CNTNAP2: variants seen among roughly 807,000 people sequenced by gnomAD.
CNTNAP2 encodes contactin-associated protein-like 2.
In CNTNAP2, 98 loss-of-function variants were observed where a neutral mutation model predicts 155.2. The ratio of observed to expected loss-of-function variants is 0.63; its 90% CI spans 0.54 to 0.75. CNTNAP2 has a LOEUF of 0.75. Ranked by LOEUF, CNTNAP2 falls within the 30% of genes least tolerant of loss-of-function variation. The pLI is 0.00. For missense variants in CNTNAP2, 1,727 were observed against 1,688.1 expected, an observed-to-expected ratio of 1.02 and a Z score of -0.40; for synonymous variants, 651 against 631.2, an observed-to-expected ratio of 1.03 and a Z score of -0.47.
chr7:146,480,382 C>T (rs1413232521), intron 1 of CNTNAP2, among the ~76,000 whole-genome samples: 2 of 151,932 alleles, frequency 1.3e-5, no homozygotes, highest in Non-Finnish European at 2.9e-5. Context: ...GTTATGATTT[C>T]AATAGGTCGC....
At chr7:146,318,106 A>G (rs1047779799) in intron 1 of CNTNAP2, among the ~76,000 whole-genome samples, 2 of 151,260 alleles carry the variant, frequency 1.3e-5, no homozygotes, top group Admixed American at 6.6e-5. Flanking sequence ...GCACCACTGC[A>G]CTCCAGCTTG....
chr7:147,633,922 T>G (rs1454226754), intron 12 of CNTNAP2, among the ~76,000 whole-genome samples: 5 of 152,136 alleles, frequency 3.3e-5, no homozygotes, highest in African/African-American at 1.2e-4. Context: ...ACCTTATTCC[T>G]GCAAGAATGG....
chr7:148,236,915 G>A (rs1563006375), intron 20 of CNTNAP2, among the ~76,000 whole-genome samples: 1 of 152,206 alleles, frequency 6.6e-6, no homozygotes, highest in Non-Finnish European at 1.5e-5. Flanking sequence ...AGCACCAAGA[G>A]GGTGGTGCTA....
chr7:146,338,369 C>T (rs1330426513), intron 1 of CNTNAP2, among the ~76,000 whole-genome samples: 1 of 152,012 alleles, frequency 6.6e-6, no homozygotes, highest in African/African-American at 2.4e-5. Flanking sequence ...TAGATGGAGA[C>T]CTGCACGTAT....
chr7:146,774,548 C>A (rs1477000870), intron 2 of CNTNAP2, among the ~76,000 whole-genome samples, 167 bp downstream of exon 2: 1 of 152,140 alleles, frequency 6.6e-6, no homozygotes, highest in Non-Finnish European at 1.5e-5. Flanking sequence ...CTCATGTAAT[C>A]TCCACATTGA....
intron 1 of CNTNAP2, among the ~76,000 whole-genome samples, chr7:146,703,291 A>G (rs1231900725): frequency 6.6e-6 from 1 of 152,116 alleles, no homozygotes; most frequent in Non-Finnish European, 1.5e-5. Flanking sequence ...AGGGGTCTCT[A>G]TGAGGGTTGG....
rs1216054601 is a variant in CNTNAP2, at chr7:146,579,961, A to T, written c.98-194310A>T. Among the ~76,000 whole-genome samples, 6 of 152,164 alleles carry T rather than the reference A, an allele frequency of 3.9e-5. No individual in the cohort carries two copies. In the East Asian group the frequency reaches 5.8e-4, roughly 15 times the overall value. On this transcript the variant is annotated intron_variant, in intron 1 of 23. Transcript: ENST00000361727. ...TCTTACTTGCTGCTTGTAGAAGCTC[A>T]TGATTCTACAATTTTAGATCCAACC...
chr7:146,530,791 C>T (rs1165392342), intron 1 of CNTNAP2, among the ~76,000 whole-genome samples: 4 of 152,208 alleles, frequency 2.6e-5, no homozygotes, highest in Non-Finnish European at 5.9e-5. Context: ...CAAATTAGTT[C>T]AGCTACTGTA....
intron 8 of CNTNAP2, among the ~76,000 whole-genome samples, chr7:147,258,703 T>C (rs1385531322): frequency 1.3e-5 from 2 of 152,214 alleles, no homozygotes; most frequent in Admixed American, 6.5e-5. Context: ...CTCTGTTTTG[T>C]TGATGCGGAA....
At chr7:146,931,227 A>C (rs1352231773) in intron 3 of CNTNAP2, among the ~76,000 whole-genome samples, 3 of 152,270 alleles carry the variant, frequency 2.0e-5, no homozygotes, top group East Asian at 3.9e-4. Context: ...AGAAATTATA[A>C]CAAACTGTCT....
At chr7:148,317,602 G>C (rs966589672) in intron 21 of CNTNAP2, among the ~76,000 whole-genome samples, 5 of 152,142 alleles carry the variant, frequency 3.3e-5, no homozygotes, top group African/African-American at 7.2e-5. Flanking sequence ...ACTGATCTTA[G>C]TATCAAAGCA....
intron 13 of CNTNAP2, among the ~76,000 whole-genome samples, chr7:147,878,516 T>C (rs1799464160): frequency 6.6e-6 from 1 of 152,112 alleles, no homozygotes; most frequent in Non-Finnish European, 1.5e-5. Flanking sequence ...TTTTTAGCAA[T>C]CTTTAGGGTC....
intron 8 of CNTNAP2, among the ~76,000 whole-genome samples, chr7:147,185,316 A>C (rs973518584): frequency 1.3e-5 from 2 of 152,188 alleles, no homozygotes; most frequent in East Asian, 3.8e-4. Context: ...ATTATTTAGC[A>C]TTATCAAATA....
intron 3 of CNTNAP2, among the ~76,000 whole-genome samples, chr7:146,954,369 T>C (rs1416549765): frequency 6.6e-6 from 1 of 151,920 alleles, no homozygotes; most frequent in African/African-American, 2.4e-5. Flanking sequence ...TAATGGCTCA[T>C]TAAACATGGA....
intron 1 of CNTNAP2, among the ~76,000 whole-genome samples, chr7:146,459,160 A>C (rs1407931972): frequency 6.6e-6 from 1 of 152,170 alleles, no homozygotes; most frequent in Non-Finnish European, 1.5e-5. Flanking sequence ...CCATCTTTGC[A>C]TGACTTCTAC....
intron 13 of CNTNAP2, among the ~76,000 whole-genome samples, chr7:147,779,533 A>G (rs1797634513): frequency 6.6e-6 from 1 of 152,198 alleles, no homozygotes; most frequent in African/African-American, 2.4e-5. Context: ...TTTATAGTTT[A>G]TTATGATCAA....
At chr7:146,907,027 C>T (rs1417189875) in intron 3 of CNTNAP2, among the ~76,000 whole-genome samples, 38 of 150,086 alleles carry the variant, frequency 2.5e-4, no homozygotes, top group South Asian at 6.4e-4. Flanking sequence ...GGAGCCGATG[C>T]GATCAACCGG....
chr7:147,013,796 T>C (rs2129244415), intron 3 of CNTNAP2, among the ~76,000 whole-genome samples: 1 of 152,296 alleles, frequency 6.6e-6, no homozygotes, highest in Non-Finnish European at 1.5e-5. Context: ...GAAAGAGGAA[T>C]CCTGTCTTAT....
At chr7:146,935,025 A>G (rs1176208014) in intron 3 of CNTNAP2, among the ~76,000 whole-genome samples, 3 of 152,240 alleles carry the variant, frequency 2.0e-5, no homozygotes, top group East Asian at 1.9e-4. Flanking sequence ...CTTTTGATTT[A>G]AAATGTGTTC....
Sources: gnomAD v4.1 joint callset for allele counts (sites outside exome capture counted in the v4.1 genomes callset) on GRCh38, gnomAD v4.1.1 for gene constraint, MANE v1.5 for transcripts, NCBI Gene and HGNC (gene_info 2026-07-23, HGNC 2026-07-21) for gene names.